Variants in CNTNAP2 observed in about 807,000 individuals in gnomAD.
CNTNAP2 encodes contactin-associated protein-like 2.
In CNTNAP2, 98 loss-of-function variants were observed where a neutral mutation model predicts 155.2. The ratio of observed to expected loss-of-function variants is 0.63; its 90% CI spans 0.54 to 0.75. The LOEUF is 0.75. Ranked by LOEUF, CNTNAP2 falls within the 30% of genes least tolerant of loss-of-function variation. The pLI, the probability that CNTNAP2 is intolerant of heterozygous loss-of-function variation, is 0.00. For synonymous variants in CNTNAP2, 651 were observed against 631.2 expected (o/e 1.03, Z -0.47); for missense variants, 1,727 against 1,688.1 (o/e 1.02, Z -0.40).
rs188903638 is a variant in CNTNAP2 at position 147,665,644 on chromosome 7, G to A, written c.2098+26338G>A. Among the ~76,000 whole-genome samples, 464 of 151,578 alleles carry A rather than the reference G, an allele frequency of 3.1e-3. 4 individuals are homozygous for A. Among genetic ancestry groups the A allele is most frequent in the African/African-American group, 9.6e-3 (399 of 41,462 alleles). On this transcript the variant is annotated intron_variant, in intron 13 of 23. Transcript: ENST00000361727. ...CCTCCCATCCTCCACCCTCTGAGAG[G>A]CCCCAGTGTGTGTTTCCCTCTGTCT...
chr7:146,631,655 C>A (rs1799512981), intron 1 of CNTNAP2, among the ~76,000 whole-genome samples: 1 of 152,098 alleles, frequency 6.6e-6, no homozygotes, highest in Non-Finnish European at 1.5e-5. Context: ...AGCAAGAGTT[C>A]TGAAAAGATC....
intron 3 of CNTNAP2, among the ~76,000 whole-genome samples, chr7:146,945,539 G>C (rs1385088211): frequency 6.6e-6 from 1 of 152,160 alleles, no homozygotes; most frequent in Non-Finnish European, 1.5e-5. Flanking sequence ...CAGCTATTTT[G>C]AGAGATTGGG....
At chr7:146,307,462 A>C (rs1178730645) in intron 1 of CNTNAP2, among the ~76,000 whole-genome samples, 5 of 152,226 alleles carry the variant, frequency 3.3e-5, no homozygotes, top group Admixed American at 3.3e-4. Context: ...CTTTCTTCAC[A>C]GAACTTGAAA....
chr7:147,945,868 C>CTTTTT (rs34305612), intron 14 of CNTNAP2, among the ~76,000 whole-genome samples: 3 of 123,362 alleles, frequency 2.4e-5, no homozygotes, highest in African/African-American at 6.0e-5. Context: ...TTTTCTTTTT[C>CTTTTT]TTTTTTTTTT....
intron 9 of CNTNAP2, among the ~76,000 whole-genome samples, chr7:147,338,123 G>A (rs1418583927): frequency 6.6e-6 from 1 of 152,102 alleles, no homozygotes; most frequent in Non-Finnish European, 1.5e-5. Flanking sequence ...GTTCTGCATG[G>A]CTGGGGAGGC....
intron 15 of CNTNAP2, among the ~76,000 whole-genome samples, chr7:148,065,424 A>G (rs796768690): frequency 7.9e-5 from 12 of 152,194 alleles, no homozygotes; most frequent in African/African-American, 2.6e-4. Context: ...TGTCTATCTC[A>G]TTTCTTAGGT....
chr7:147,469,673 C>A (rs1798181970), intron 10 of CNTNAP2, among the ~76,000 whole-genome samples: 1 of 151,850 alleles, frequency 6.6e-6, no homozygotes, highest in Non-Finnish European at 1.5e-5. Flanking sequence ...CGCCCGCCAC[C>A]ACGCCTGGCT....
chr7:148,371,238 A>T (rs1798881942), intron 21 of CNTNAP2, among the ~76,000 whole-genome samples: 1 of 152,160 alleles, frequency 6.6e-6, no homozygotes, highest in African/African-American at 2.4e-5. Flanking sequence ...TATCAGCCCC[A>T]TTGTCCCAAC....
intron 22 of CNTNAP2, among the ~76,000 whole-genome samples, chr7:148,395,890 C>T (rs558199943): frequency 3.9e-5 from 6 of 152,228 alleles, no homozygotes; most frequent in Non-Finnish European, 5.9e-5. Flanking sequence ...TTTCCCCTGC[C>T]GCGAATTTCT....
intron 17 of CNTNAP2, among the ~76,000 whole-genome samples, chr7:148,148,683 AGT>A (rs1489788717): frequency 6.6e-6 from 1 of 152,206 alleles, no homozygotes; most frequent in Non-Finnish European, 1.5e-5. Flanking sequence ...GAGTCCCCAC[AGT>A]GTCTTTCATA....
chr7:147,707,633 G>T (rs1005973260), intron 13 of CNTNAP2, among the ~76,000 whole-genome samples: 5 of 152,322 alleles, frequency 3.3e-5, no homozygotes, highest in Non-Finnish European at 7.4e-5. Flanking sequence ...TAGGTGGCTT[G>T]CCCAGGTGCT....
At chr7:147,342,820 C>G (rs1457723076) in intron 9 of CNTNAP2, among the ~76,000 whole-genome samples, 1 of 152,006 alleles carries the variant, frequency 6.6e-6, no homozygotes, top group Non-Finnish European at 1.5e-5. Flanking sequence ...AATAAAATAA[C>G]TAAGAAAAGG....
At chr7:146,552,862 C>T (rs762722055) in intron 1 of CNTNAP2, among the ~76,000 whole-genome samples, 1 of 152,082 alleles carries the variant, frequency 6.6e-6, no homozygotes, top group African/African-American at 2.4e-5. Flanking sequence ...CAGATAAATG[C>T]ATGTCTGACT....
chr7:146,408,917 C>A (rs1335922190), intron 1 of CNTNAP2, among the ~76,000 whole-genome samples: 1 of 151,818 alleles, frequency 6.6e-6, no homozygotes, highest in Non-Finnish European at 1.5e-5. Context: ...CAAATCCACA[C>A]CGAATTCACA....
chr7:147,493,356 A>G (rs565617948), intron 11 of CNTNAP2, among the ~76,000 whole-genome samples: 1 of 152,284 alleles, frequency 6.6e-6, no homozygotes, highest in African/African-American at 2.4e-5. Flanking sequence ...GCAACTACCA[A>G]ATTCCTTCAA....
chr7:146,369,388 C>G (rs1795201434), intron 1 of CNTNAP2, among the ~76,000 whole-genome samples: 1 of 152,118 alleles, frequency 6.6e-6, no homozygotes, highest in Non-Finnish European at 1.5e-5. Flanking sequence ...TAAGCACACA[C>G]ATTTTGCAAG....
At chr7:146,607,529 T>C (rs894072879) in intron 1 of CNTNAP2, among the ~76,000 whole-genome samples, 1 of 152,108 alleles carries the variant, frequency 6.6e-6, no homozygotes, top group African/African-American at 2.4e-5. Flanking sequence ...CAGACTGGAG[T>C]ACAGTGGTGC....
At chr7:148,142,941 G>A (rs1805104807) in intron 16 of CNTNAP2, among the ~76,000 whole-genome samples, 1 of 152,180 alleles carries the variant, frequency 6.6e-6, no homozygotes, top group Admixed American at 6.5e-5. Context: ...ATGAAGTCAT[G>A]AGCCTGCTTT....
chr7:146,377,372 G>A (rs750538884), intron 1 of CNTNAP2, among the ~76,000 whole-genome samples: 9 of 151,906 alleles, frequency 5.9e-5, no homozygotes, highest in Admixed American at 2.6e-4. Flanking sequence ...GTTTTCTGCC[G>A]TCTACCTGCT....
Sources: allele counts gnomAD v4.1 joint callset (sites outside exome capture counted in the v4.1 genomes callset), GRCh38; gene constraint gnomAD v4.1.1; transcripts MANE v1.5; gene names NCBI Gene and HGNC (gene_info 2026-07-23, HGNC 2026-07-21).